Variants in IDO1 observed in about 807,000 individuals in gnomAD.
IDO1 encodes indoleamine 2,3-dioxygenase 1.
In IDO1, 35 loss-of-function variants were observed where a neutral mutation model predicts 38.8. That is an observed-to-expected ratio of 0.90 (90% CI 0.69 to 1.20). The LOEUF is 1.20. Ranked by LOEUF, IDO1 falls within the 50% of genes most tolerant of loss-of-function variation. IDO1 has a pLI of 0.00. For missense variants in IDO1, 509 were observed against 485.1 expected (o/e 1.05, Z -0.46); for synonymous variants, 171 against 170.0 (o/e 1.01, Z -0.05).
Position 39,923,509 on chromosome 8 carries a change from G to A in IDO1, c.578G>A (p.Arg193Gln), listed in dbSNP as rs371014998. 8.7e-5 allele frequency: 141 copies of A among 1,612,930 alleles called. 1 individual carries two copies. In the South Asian group the frequency reaches 1.3e-3, roughly 15 times the overall value. The change falls in exon 7 of 10, where the codon CGG (arginine) becomes CAG (glutamine). Residue 193 changes from arginine to glutamine, a missense_variant. Arg to Gln is a conservative substitution (Grantham distance 43). Coordinates refer to ENST00000518237, the MANE Select transcript of IDO1 (RefSeq NM_002164.6). ...TVFKAMQMQE[R>Q]DTLLKALLEI... ...TTCAAGGCAATGCAAATGCAAGAAC[G>A]GGACACTTTGCTAAAGGCGCTGTTG...
At chr8:39,925,641 C>A (rs1026185259) in intron 9 of IDO1, among the ~76,000 whole-genome samples, 1 of 151,826 alleles carries the variant, frequency 6.6e-6, no homozygotes, top group African/African-American at 2.4e-5. Context: ...CCTAGCACTT[C>A]GGGAGACCTA....
chr8:39,925,047 A>G (rs889941551), intron 8 of IDO1, among the ~76,000 whole-genome samples, 176 bp from the exon 9 acceptor site: 15 of 152,182 alleles, frequency 9.9e-5, no homozygotes, highest in African/African-American at 2.7e-4. Flanking sequence ...GCTCAGGATT[A>G]TATTATTTAC....
At chr8:39,923,022 G>A in intron 6 of IDO1, 1 of 211,788 alleles carries the variant, frequency 4.7e-6, no homozygotes, top group Non-Finnish European at 9.4e-6. Flanking sequence ...ACAAATCCAA[G>A]CTTCTATAAA....
chr8:39,924,629 G>C (rs1324370472), intron 7 of IDO1, 92 bp from the exon 8 acceptor site: 3 of 873,336 alleles, frequency 3.4e-6, no homozygotes, highest in Admixed American at 4.0e-5. Context: ...CCTGCAGCCT[G>C]TGCCAAAATC....
At chr8:39,915,935 G>T (rs1807168293) in intron 1 of IDO1, among the ~76,000 whole-genome samples, 1 of 152,122 alleles carries the variant, frequency 6.6e-6, no homozygotes, top group Non-Finnish European at 1.5e-5. Context: ...GGAGACGGAG[G>T]CGGGTGGATC....
chr8:39,926,134 C>T (rs1438464357), intron 9 of IDO1, among the ~76,000 whole-genome samples: 2 of 152,086 alleles, frequency 1.3e-5, no homozygotes, highest in South Asian at 2.1e-4. Flanking sequence ...TTGCAGTGAA[C>T]CGATATGGCG....
chr8:39,923,443 G>A (rs1314103829), intron 6 of IDO1, 26 bp from the exon 7 acceptor site: 3 of 1,186,808 alleles, frequency 2.5e-6, no homozygotes, highest in Admixed American at 1.8e-5. Flanking sequence ...AACCTTAAAT[G>A]TTTGTGTTTT....
intron 7 of IDO1, 91 bp from the exon 8 acceptor site, chr8:39,924,630 T>C (rs1807330294): frequency 2.3e-6 from 2 of 880,526 alleles, no homozygotes; most frequent in South Asian, 1.5e-5. Context: ...CTGCAGCCTG[T>C]GCCAAAATCC....
intron 1 of IDO1, among the ~76,000 whole-genome samples, chr8:39,916,273 T>C (rs1489275632): frequency 6.0e-5 from 9 of 150,786 alleles, no homozygotes; most frequent in African/African-American, 1.2e-4. Context: ...GTCAGGAGTT[T>C]GAGACCAGCC....
At chr8:39,917,668 G>C (rs993342929) in intron 1 of IDO1, among the ~76,000 whole-genome samples, 2 of 152,234 alleles carry the variant, frequency 1.3e-5, no homozygotes, top group African/African-American at 2.4e-5. Flanking sequence ...GGCAGTGTTT[G>C]AAGAGAGAGG....
intron 1 of IDO1, among the ~76,000 whole-genome samples, chr8:39,915,993 G>A (rs1192438342): frequency 1.4e-5 from 2 of 148,078 alleles, no homozygotes; most frequent in Middle Eastern, 3.8e-3. Flanking sequence ...GTGAAACCCC[G>A]TCTCTACTAA....
At chr8:39,921,558 A>T (rs2129592292) in intron 5 of IDO1, among the ~76,000 whole-genome samples, 1 of 152,338 alleles carries the variant, frequency 6.6e-6, no homozygotes, top group South Asian at 2.1e-4. Context: ...TTTAAAAACG[A>T]GGATGACATC....
Position 39,928,275 on chromosome 8 carries a change from C to T in IDO1, c.*90C>T. ...ATTGTAACAGAGCCACAAACTAATA[C>T]TATGCAATGTTTTACCAATAATGCA... is the stretch of plus-strand genomic sequence containing the variant. On this transcript the variant is annotated 3_prime_UTR_variant, in exon 10 of 10. Coordinates refer to ENST00000518237, the MANE Select transcript of IDO1 (RefSeq NM_002164.6). 1 of 866,088 alleles carries T rather than the reference C, an allele frequency of 1.2e-6. No homozygotes were observed. Among genetic ancestry groups the T allele is most frequent in the Non-Finnish European group, 1.8e-6 (1 of 567,468 alleles). The allele number at this position is 866,088 out of a possible 1,614,324, so 53.7% of individuals were successfully genotyped here.
In IDO1 at chr8:39,926,710, A is replaced by G. The variant is rs935090257; in HGVS notation, c.857-1120A>G. 5.9e-5 allele frequency among the ~76,000 whole-genome samples: 9 copies of G among 152,068 alleles called. No individual in the cohort carries two copies. The East Asian group carries it at 1.3e-3, about 23-fold the overall frequency. ...TATTTAACTTTTTTATTTTAGATTC[A>G]GGGGATACATGTGCAGGCTTATTAC... is the stretch of plus-strand genomic sequence containing the variant. On this transcript the variant is annotated intron_variant, in intron 9 of 9. Coordinates refer to ENST00000518237, the MANE Select transcript of IDO1 (RefSeq NM_002164.6).
intron 4 of IDO1, among the ~76,000 whole-genome samples, chr8:39,919,839 C>CA (rs1035090483): frequency 1.3e-5 from 2 of 151,902 alleles, no homozygotes; most frequent in African/African-American, 4.8e-5. Flanking sequence ...GACCCTGTCT[C>CA]AAAAAAATAA....
chr8:39,917,279 T>C (rs1586208997), intron 1 of IDO1, among the ~76,000 whole-genome samples: 1 of 152,148 alleles, frequency 6.6e-6, no homozygotes, highest in Non-Finnish European at 1.5e-5. Flanking sequence ...GCAGATCACC[T>C]GAGGTTAGGA....
intron 9 of IDO1, among the ~76,000 whole-genome samples, chr8:39,926,903 C>T (rs2129592478): frequency 6.6e-6 from 1 of 152,242 alleles, no homozygotes; most frequent in African/African-American, 2.4e-5. Context: ...TCCATGTGTA[C>T]TCAATATTTA....
Position 39,924,725 on chromosome 8 carries a change from T to C in IDO1, c.660T>C (p.His220=), listed in dbSNP as rs770895038. Residue 220 remains histidine (H), a synonymous_variant, in exon 8 of 10, where the codon CAT becomes CAC. Transcript: ENST00000518237. ...ACATATTCCATCTTTTTACAGATCA[T>C]GTGAACCCAAAAGCATTTTTCAGTG... ...ALQVFHQIHD[H]VNPKAFFSVL... 5.2e-5 allele frequency: 84 copies of C among 1,604,280 alleles called. No homozygotes were observed. Among genetic ancestry groups the C allele is most frequent in the African/African-American group, 1.3e-5 (1 of 74,730 alleles).
chr8:39,916,088 C>T (rs142849644), intron 1 of IDO1, among the ~76,000 whole-genome samples: 2,183 of 152,158 alleles, frequency 0.014, 18 homozygotes, highest in Non-Finnish European at 0.021. Context: ...ATCGCTTGAA[C>T]CTGGGAGTCG....
Sources: allele counts gnomAD v4.1 joint callset (sites outside exome capture counted in the v4.1 genomes callset), GRCh38; gene constraint gnomAD v4.1.1; transcripts MANE v1.5; gene names NCBI Gene and HGNC (gene_info 2026-07-23, HGNC 2026-07-21).